Variants in CASZ1 observed in about 807,000 individuals in gnomAD.
CASZ1 encodes castor zinc finger 1.
CASZ1 carries 28 observed loss-of-function variants against 135.2 expected under a neutral mutation model. That is an observed-to-expected ratio of 0.21 (90% CI 0.15 to 0.28). CASZ1 has a LOEUF of 0.28. Ranked by LOEUF, CASZ1 falls within the 10% of genes least tolerant of loss-of-function variation. CASZ1 has a pLI of 1.00. For missense variants in CASZ1, 2,161 were observed against 2,453.3 expected, an observed-to-expected ratio of 0.88 and a Z score of 2.52; for synonymous variants, 1,068 against 1,073.4, an observed-to-expected ratio of 0.99 and a Z score of 0.10.
At chr1:10,778,181 G>A (rs534977555) in intron 1 of CASZ1, among the ~76,000 whole-genome samples, 39 of 149,558 alleles carry the variant, frequency 2.6e-4, no homozygotes, top group Admixed American at 8.0e-4. Flanking sequence ...TCACAATCTC[G>A]CACACAATCA....
intron 4 of CASZ1, among the ~76,000 whole-genome samples, chr1:10,690,173 C>T (rs1638718863): frequency 6.6e-6 from 1 of 152,244 alleles, no homozygotes; most frequent in Non-Finnish European, 1.5e-5. Flanking sequence ...AGCACAGGAA[C>T]CTTCTCAGTC....
intron 15 of CASZ1, 193 bp downstream of exon 15, chr1:10,648,877 A>T: frequency 1.4e-6 from 1 of 712,122 alleles, no homozygotes; most frequent in Non-Finnish European, 2.2e-6. Flanking sequence ...ACAGGGGCTC[A>T]GAGCCCCCGG....
At chr1:10,750,152 C>A (rs150908038) in intron 2 of CASZ1, among the ~76,000 whole-genome samples, 1 of 152,300 alleles carries the variant, frequency 6.6e-6, no homozygotes, top group Non-Finnish European at 1.5e-5. Context: ...GGCCCAGGAG[C>A]CAGGGATGGG....
Position 10,694,863 on chromosome 1 carries a change from C to T in CASZ1, c.-23-951G>A, listed in dbSNP as rs895917550. Among the ~76,000 whole-genome samples the T allele has an allele frequency of 2.8e-5, 4 of 144,366 alleles. No homozygotes were observed. Among genetic ancestry groups the T allele is most frequent in the East Asian group, 2.0e-4 (1 of 4,906 alleles). The allele number at this position is 144,366 out of a possible 152,430, so 94.7% of individuals were successfully genotyped here. A position where few individuals can be genotyped will look rare whatever the true frequency, so the allele number is the denominator to read the frequency against. ...GAACGCGGCCCGAGTAAGGCGCCCG[C>T]GGGCACGCGCCCACTCTTGCCGGCC... On this transcript the variant is annotated intron_variant, in intron 3 of 20. Transcript: ENST00000377022. This position sits in a 1 kb window ranked among gnomAD's most constrained non-coding sequence, Gnocchi z 6.6.
chr1:10,710,473 T>C (rs1326758213), intron 2 of CASZ1, among the ~76,000 whole-genome samples: 1 of 152,084 alleles, frequency 6.6e-6, no homozygotes, highest in Non-Finnish European at 1.5e-5. Context: ...GGAGGAAGGG[T>C]CCAAGTTGGT....
chr1:10,689,014 G>A (rs1252274057), intron 4 of CASZ1, among the ~76,000 whole-genome samples: 1 of 152,202 alleles, frequency 6.6e-6, no homozygotes, highest in Non-Finnish European at 1.5e-5. Flanking sequence ...GGAAGAGGTG[G>A]GAGCAGCGGC....
intron 1 of CASZ1, among the ~76,000 whole-genome samples, chr1:10,761,510 G>T (rs1186663059): frequency 6.6e-6 from 1 of 152,158 alleles, no homozygotes; most frequent in African/African-American, 2.4e-5. Flanking sequence ...CCTGAAAGGG[G>T]GCTGCTGAGA....
intron 20 of CASZ1, among the ~76,000 whole-genome samples, chr1:10,640,697 G>A (rs1168660891): frequency 1.3e-5 from 2 of 152,196 alleles, no homozygotes; most frequent in Admixed American, 1.3e-4. Flanking sequence ...GGGCAGCCCT[G>A]ATGGAGGACC....
chr1:10,691,620 G>A (rs547892472), intron 4 of CASZ1, among the ~76,000 whole-genome samples: 19 of 152,296 alleles, frequency 1.2e-4, no homozygotes, highest in African/African-American at 4.3e-4. Flanking sequence ...CACCAGCCAC[G>A]AGCCCCGGCC....
chr1:10,737,874 G>C (rs1360710537), intron 2 of CASZ1, among the ~76,000 whole-genome samples: 1 of 152,250 alleles, frequency 6.6e-6, no homozygotes, highest in Non-Finnish European at 1.5e-5. Context: ...TCTCGGGAAG[G>C]CTGGGCACAG....
chr1:10,737,710 C>T (rs1396982831), intron 2 of CASZ1, among the ~76,000 whole-genome samples: 6 of 152,378 alleles, frequency 3.9e-5, no homozygotes, highest in African/African-American at 1.4e-4. Context: ...AAGATCAGCA[C>T]AGGCCACCCG....
rs144230075 is a variant in CASZ1, at chr1:10,750,031, G to T, written c.-77+10670C>A. Among the ~76,000 whole-genome samples, 169 of 152,330 alleles carry T rather than the reference G, an allele frequency of 1.1e-3. 1 individual carries two copies. In the East Asian group the frequency reaches 0.03, roughly 27 times the overall value. On this transcript the variant is annotated intron_variant, in intron 2 of 20. Coordinates refer to ENST00000377022, the MANE Select transcript of CASZ1 (RefSeq NM_001079843.3). ...ACTGTGCCCTCTGGACAGCCGGCCT[G>T]TGTGCAGGCAGCTTGCCTAGACAGG...
intron 1 of CASZ1, among the ~76,000 whole-genome samples, chr1:10,769,153 A>G (rs1640530960): frequency 6.6e-6 from 1 of 152,158 alleles, no homozygotes; most frequent in Admixed American, 6.5e-5. Context: ...AAAGAAAAGA[A>G]AAGAAAACTC....
At position 10,639,066 on chromosome 1, in the gene CASZ1, G is replaced by A. The variant is rs895610690; in HGVS notation, c.5156C>T (p.Ser1719Leu). The change falls in exon 21 of 21, where the codon TCG becomes TTG. Residue 1719 changes from serine to leucine, a missense_variant. This residue lies in a region of CASZ1 where 185 missense variants were observed against 134.7 expected (regional missense o/e 1.37). Coordinates refer to ENST00000377022, the MANE Select transcript of CASZ1 (RefSeq NM_001079843.3). The surrounding 1 kb of genome is among the most constrained non-coding windows in gnomAD (Gnocchi z 4.0). Reference sequence around the variant, plus strand: ...CGCCGCCTCGGGCAGCGACTCCTCCGAGTCGGTGCGCAGGTCCTCGTCGTC... The same window carrying A: ...CGCCGCCTCGGGCAGCGACTCCTCCAAGTCGGTGCGCAGGTCCTCGTCGTC... ...DDDDEDLRTD[S>L]EESLPEAAAE... 4 of 1,121,382 alleles carry A rather than the reference G, an allele frequency of 3.6e-6. No homozygotes were observed. Among genetic ancestry groups the A allele is most frequent in the African/African-American group, 3.4e-5 (2 of 59,054 alleles). The allele number at this position is 1,121,382 out of a possible 1,614,324, so 69.5% of individuals were successfully genotyped here.
At chr1:10,708,995 G>C (rs7539524) in intron 2 of CASZ1, among the ~76,000 whole-genome samples, 19,492 of 137,976 alleles carry the variant, frequency 0.14, 2,968 homozygotes, top group African/African-American at 0.36. Flanking sequence ...GGGTGAGGGA[G>C]GGAGGGAGTG....
rs371361675 is a variant in CASZ1, at chr1:10,777,437, G to A, written c.-233-16580C>T. 4.6e-5 allele frequency among the ~76,000 whole-genome samples: 7 copies of A among 152,130 alleles called. No individual in the cohort carries two copies. Among genetic ancestry groups the A allele is most frequent in the South Asian group, 4.1e-4 (2 of 4,824 alleles). On this transcript the variant is annotated intron_variant, in intron 1 of 20. Coordinates refer to ENST00000377022, the MANE Select transcript of CASZ1 (RefSeq NM_001079843.3). The surrounding 1 kb of genome is among the most constrained non-coding windows in gnomAD (Gnocchi z 4.4). Reference sequence around the variant, plus strand: ...CCCACAAAATCCTCTGAGCTCATGCGGAAGGAAGAATTGCCATTCAGCCCC... The same window carrying A: ...CCCACAAAATCCTCTGAGCTCATGCAGAAGGAAGAATTGCCATTCAGCCCC...
Position 10,650,978 on chromosome 1 carries a change from G to T in CASZ1, c.2779C>A (p.Gln927Lys). ...ACAGTCAGGTCTAGACTGCGGTCCT[G>T]GGAGGCTTCGTGGGGGCCTGGGGCG... ...TGAPGPHEAS[Q>K]DRSLDLTVKE... The change falls in exon 12 of 21, where the codon CAG becomes AAG. Residue 927 changes from glutamine to lysine, a missense_variant. Gln to Lys is a moderately conservative substitution (Grantham distance 53, BLOSUM62 1). This residue lies in a region of CASZ1 where 406 missense variants were observed against 387.6 expected (regional missense o/e 1.05). Transcript: ENST00000377022. 6.3e-7 allele frequency: 1 copy of T among 1,582,622 alleles called. No individual in the cohort carries two copies. The highest frequency in any genetic ancestry group is 2.2e-5 in the East Asian group (1 of 44,526).
chr1:10,689,794 C>T (rs1017141607), intron 4 of CASZ1, among the ~76,000 whole-genome samples: 1 of 152,218 alleles, frequency 6.6e-6, no homozygotes, highest in Non-Finnish European at 1.5e-5. Context: ...CCAGGACTGC[C>T]CCACTGAACA....
At chr1:10,678,478 G>A (rs911129034) in intron 4 of CASZ1, among the ~76,000 whole-genome samples, 9 of 148,926 alleles carry the variant, frequency 6.0e-5, no homozygotes, top group Admixed American at 6.7e-5. Flanking sequence ...CCACAGGGCC[G>A]GGGCAGCACC....
Sources: allele counts gnomAD v4.1 joint callset (sites outside exome capture counted in the v4.1 genomes callset), GRCh38; gene constraint gnomAD v4.1.1; regional missense constraint gnomAD v4.1.1; non-coding constraint Gnocchi (gnomAD v3.1); transcripts MANE v1.5; gene names NCBI Gene and HGNC (gene_info 2026-07-23, HGNC 2026-07-21).